Variants in LPAR1 observed in about 807,000 individuals in gnomAD.
LPAR1 encodes the protein LPA receptor 1.
A neutral mutation model predicts 23.8 loss-of-function variants in LPAR1; 5 were observed. The observed-to-expected ratio is 0.21, with a 90% confidence interval of 0.11 to 0.44. The LOEUF (loss-of-function observed/expected upper bound fraction) is 0.44. Among genes scored for constraint, LPAR1 ranks in the 20% least tolerant of loss-of-function variants. LPAR1 has a pLI of 0.99. For missense variants in LPAR1, 311 were observed against 482.8 expected (o/e 0.64, Z 3.33); for synonymous variants, 160 against 164.7 (o/e 0.97, Z 0.22).
At chr9:110,950,378 T>C (rs570487137) in intron 4 of LPAR1, among the ~76,000 whole-genome samples, 51 of 150,900 alleles carry the variant, frequency 3.4e-4, no homozygotes, top group African/African-American at 1.2e-3. Context: ...GGCATGAGAA[T>C]TGCTTGAACC....
At chr9:110,892,269 AAGAG>A (rs1278007650) in intron 5 of LPAR1, among the ~76,000 whole-genome samples, 3 of 152,228 alleles carry the variant, frequency 2.0e-5, no homozygotes. Flanking sequence ...TAAAGTAGGA[AAGAG>A]AGAATGACAG....
intron 5 of LPAR1, among the ~76,000 whole-genome samples, chr9:110,930,910 C>T (rs536505372): frequency 5.3e-5 from 8 of 151,918 alleles, no homozygotes; most frequent in Non-Finnish European, 7.4e-5. Flanking sequence ...AGCGAAATTC[C>T]GTCACAAAAA....
intron 5 of LPAR1, among the ~76,000 whole-genome samples, chr9:110,908,115 C>A (rs2091687644): frequency 1.3e-5 from 2 of 151,754 alleles, no homozygotes; most frequent in East Asian, 1.9e-4. Context: ...GTGTGTTTTT[C>A]TTTTCTTTTT....
chr9:110,986,088 T>A (rs1159329160), intron 2 of LPAR1, among the ~76,000 whole-genome samples: 2 of 152,164 alleles, frequency 1.3e-5, no homozygotes, highest in African/African-American at 4.8e-5. Flanking sequence ...CATTCTGCCC[T>A]GTTTCTTTCC....
intron 2 of LPAR1, among the ~76,000 whole-genome samples, chr9:111,000,191 T>C (rs1307906028): frequency 1.6e-4 from 25 of 152,216 alleles, no homozygotes. Flanking sequence ...TCAGAAGCTC[T>C]GTACAAAGAA....
intron 2 of LPAR1, among the ~76,000 whole-genome samples, chr9:111,026,651 T>C (rs934116671): frequency 6.6e-5 from 10 of 152,222 alleles, no homozygotes; most frequent in Non-Finnish European, 1.3e-4. Flanking sequence ...CAGTATGATA[T>C]TGGCTGTGGG....
intron 5 of LPAR1, among the ~76,000 whole-genome samples, chr9:110,881,548 C>G (rs498328): frequency 0.4 from 60,723 of 151,860 alleles, 12,365 homozygotes; most frequent in East Asian, 0.51. Flanking sequence ...GTTCCATACC[C>G]TACAACAGAC....
At chr9:110,969,435 G>T (rs1355569080) in intron 4 of LPAR1, among the ~76,000 whole-genome samples, 1 of 152,080 alleles carries the variant, frequency 6.6e-6, no homozygotes, top group African/African-American at 2.4e-5. Context: ...ATAGTGGTCG[G>T]GCGCAGTGGC....
At chr9:111,038,655 G>A (rs1390566272), upstream of LPAR1, 3 of 454,968 alleles carry the variant, frequency 6.6e-6, no homozygotes, top group South Asian at 3.1e-5. This position sits in a 1 kb window ranked among gnomAD's most constrained non-coding sequence, Gnocchi z 4.4. Context: ...CCCTTACCTG[G>A]TGTGGCGCCC....
At chr9:110,928,131 G>A (rs1047662067) in intron 5 of LPAR1, among the ~76,000 whole-genome samples, 2 of 152,022 alleles carry the variant, frequency 1.3e-5, no homozygotes, top group African/African-American at 2.4e-5. Context: ...AACTGCAGAA[G>A]GACAATACAC....
intron 5 of LPAR1, among the ~76,000 whole-genome samples, chr9:110,905,837 C>T (rs1208068783): frequency 6.6e-6 from 1 of 152,160 alleles, no homozygotes; most frequent in Non-Finnish European, 1.5e-5. Context: ...TGGGCTAGAA[C>T]ATGCCAGTGT....
intron 2 of LPAR1, among the ~76,000 whole-genome samples, chr9:111,016,134 T>A (rs545264577): frequency 6.6e-6 from 1 of 152,250 alleles, no homozygotes; most frequent in South Asian, 2.1e-4. Flanking sequence ...ATCTTTCCAG[T>A]CACAGCCTTT....
chr9:111,018,762 A>G (rs2097504006), intron 2 of LPAR1, among the ~76,000 whole-genome samples: 4 of 152,208 alleles, frequency 2.6e-5, no homozygotes, highest in Admixed American at 2.6e-4. Flanking sequence ...ACCAAATGAT[A>G]TTACTTTCAA....
chr9:110,956,817 T>C (rs1050208369), intron 4 of LPAR1, among the ~76,000 whole-genome samples: 1 of 151,978 alleles, frequency 6.6e-6, no homozygotes, highest in Non-Finnish European at 1.5e-5. Context: ...CAAAATAAAT[T>C]CCAGGACTAA....
At chr9:110,891,188 T>C (rs989453246) in intron 5 of LPAR1, among the ~76,000 whole-genome samples, 7 of 152,126 alleles carry the variant, frequency 4.6e-5, no homozygotes, top group Admixed American at 1.3e-4. Flanking sequence ...AGAAAAAAAT[T>C]TGTAACTCAG....
At chr9:111,002,326 T>A (rs1248155336) in intron 2 of LPAR1, among the ~76,000 whole-genome samples, 5 of 152,226 alleles carry the variant, frequency 3.3e-5, no homozygotes, top group Admixed American at 3.3e-4. Flanking sequence ...TATTCATCTG[T>A]TATACTTTTC....
At chr9:110,935,036 T>C (rs1211728943) in intron 5 of LPAR1, among the ~76,000 whole-genome samples, 1 of 152,144 alleles carries the variant, frequency 6.6e-6, no homozygotes, top group East Asian at 1.9e-4. Context: ...AAGGTTTAAT[T>C]AGGGAGGGAG....
intron 5 of LPAR1, among the ~76,000 whole-genome samples, chr9:110,912,198 T>A (rs1328684519): frequency 6.6e-6 from 1 of 152,214 alleles, no homozygotes; most frequent in Non-Finnish European, 1.5e-5. Context: ...TCTAAGCACA[T>A]CCTACTTTTG....
At chr9:110,904,852 A>G (rs1450468385) in intron 5 of LPAR1, among the ~76,000 whole-genome samples, 1 of 152,208 alleles carries the variant, frequency 6.6e-6, no homozygotes, top group African/African-American at 2.4e-5. Context: ...GATGTCTTTC[A>G]AAGTGCTCTG....
Sources: gnomAD v4.1 joint callset for allele counts (sites outside exome capture counted in the v4.1 genomes callset) on GRCh38, gnomAD v4.1.1 for gene constraint, Gnocchi (gnomAD v3.1) non-coding constraint, MANE v1.5 for transcripts, NCBI Gene and HGNC (gene_info 2026-07-23, HGNC 2026-07-21) for gene names.